Variants in PAPPA2 observed in about 807,000 individuals in gnomAD.
PAPPA2 encodes the protein pappalysin 2.
A neutral mutation model predicts 176.4 loss-of-function variants in PAPPA2; 86 were observed. That is an observed-to-expected ratio of 0.49 (90% CI 0.41 to 0.58). The LOEUF (loss-of-function observed/expected upper bound fraction) is 0.58, where lower values mean the gene tolerates loss of function less well. Among genes scored for constraint, PAPPA2 ranks in the 20% least tolerant of loss-of-function variants. The probability of loss-of-function intolerance (pLI) is 0.00; values close to 1 mark genes in which losing one functional copy is unlikely to be tolerated. For synonymous variants in PAPPA2, 809 were observed against 852.2 expected, an observed-to-expected ratio of 0.95 and a Z score of 0.88; for missense variants, 2,073 against 2,256.9, an observed-to-expected ratio of 0.92 and a Z score of 1.65.
chr1:176,558,108 A>G (rs979666438), intron 2 of PAPPA2, among the ~76,000 whole-genome samples: 2 of 152,206 alleles, frequency 1.3e-5, no homozygotes, highest in African/African-American at 4.8e-5. Flanking sequence ...GCAAGGGGTC[A>G]TGGATTAGAC....
At chr1:176,720,214 A>G (rs1387365432) in intron 12 of PAPPA2, among the ~76,000 whole-genome samples, 2 of 152,152 alleles carry the variant, frequency 1.3e-5, no homozygotes, top group African/African-American at 4.8e-5. Context: ...TATCTCTTTT[A>G]AAACTAACTT....
chr1:176,612,885 C>T (rs146457073), intron 3 of PAPPA2, among the ~76,000 whole-genome samples: 3 of 152,098 alleles, frequency 2.0e-5, no homozygotes, highest in African/African-American at 4.8e-5. Context: ...TTCTGGAGGT[C>T]GGGGAGGAAG....
chr1:176,511,510 T>C (rs28611171), intron 1 of PAPPA2, among the ~76,000 whole-genome samples: 12,050 of 152,260 alleles, frequency 0.079, 587 homozygotes, highest in South Asian at 0.15. Context: ...ACTCGTTGTC[T>C]TAACTGGTTG....
rs61821100 is a variant in PAPPA2, at chr1:176,491,341, T to C, written c.-917+27923T>C. 6.3e-3 allele frequency among the ~76,000 whole-genome samples: 957 copies of C among 152,300 alleles called. 6 individuals are homozygous for C. Among genetic ancestry groups the C allele is most frequent in the Admixed American group, 0.011 (168 of 15,290 alleles). ...CTTGAAGTGGGAAAAATTAGTTTCA[T>C]TTGGAGAGGAGTTGGGAGCTGTCTT... On this transcript the variant is annotated intron_variant, in intron 1 of 22. Transcript: ENST00000367662.
chr1:176,841,551 A>G (rs1341066429), intron 22 of PAPPA2, among the ~76,000 whole-genome samples: 2 of 152,040 alleles, frequency 1.3e-5, no homozygotes, highest in Non-Finnish European at 2.9e-5. Flanking sequence ...AATGCCCCAA[A>G]AGGAAAAATC....
intron 1 of PAPPA2, among the ~76,000 whole-genome samples, chr1:176,502,153 T>A (rs1648000648): frequency 6.6e-6 from 1 of 152,176 alleles, no homozygotes; most frequent in African/African-American, 2.4e-5. Flanking sequence ...CCTCCAGACA[T>A]CTGATTCAAG....
At chr1:176,816,775 C>T (rs1056892519) in intron 21 of PAPPA2, among the ~76,000 whole-genome samples, 2 of 152,086 alleles carry the variant, frequency 1.3e-5, no homozygotes, top group Non-Finnish European at 2.9e-5. Flanking sequence ...TAACTACTTC[C>T]TTCAACAGAG....
intron 10 of PAPPA2, among the ~76,000 whole-genome samples, chr1:176,709,495 A>ATT (rs1428062148): frequency 6.6e-6 from 1 of 152,186 alleles, no homozygotes; most frequent in Non-Finnish European, 1.5e-5. Flanking sequence ...AAGAAACACA[A>ATT]TTAAGCAACA....
Position 176,603,151 on chromosome 1 carries a change from C to T in PAPPA2, c.1991+7556C>T, listed in dbSNP as rs142580051. ...CCAGAGAGACCCCAGTCTCCAAATA[C>T]ACTCAGTTATTCAAAATACTTCGGC... On this transcript the variant is annotated intron_variant, in intron 3 of 22. Transcript: ENST00000367662. Among the ~76,000 whole-genome samples the T allele has an allele frequency of 7.5e-3, 1,145 of 152,350 alleles. 6 individuals are homozygous for T. The highest frequency in any genetic ancestry group is 0.017 in the Middle Eastern group (5 of 294).
chr1:176,675,196 T>C (rs1659226648), intron 4 of PAPPA2, among the ~76,000 whole-genome samples: 1 of 152,058 alleles, frequency 6.6e-6, no homozygotes, highest in Non-Finnish European at 1.5e-5. Context: ...TCTAACTGCC[T>C]AGCAAAAGAA....
At chr1:176,485,308 T>C (rs1172616917) in intron 1 of PAPPA2, among the ~76,000 whole-genome samples, 1 of 152,156 alleles carries the variant, frequency 6.6e-6, no homozygotes, top group Non-Finnish European at 1.5e-5. Context: ...TGTCTCCCCA[T>C]TACGTCTCTG....
Position 176,672,746 on chromosome 1 carries a change from A to C in PAPPA2, c.2137+1631A>C, listed in dbSNP as rs74592100. Among the ~76,000 whole-genome samples the C allele has an allele frequency of 2.0e-5, 3 of 152,156 alleles. No homozygotes were observed. In the South Asian group the frequency reaches 6.2e-4, roughly 31 times the overall value. ...TGCATAACAAATTAAACATGTAAGG[A>C]TCCAAATTAAATGCTTTGCCAGCGT... is the stretch of plus-strand genomic sequence containing the variant. On this transcript the variant is annotated intron_variant, in intron 4 of 22. Transcript: ENST00000367662.
intron 1 of PAPPA2, among the ~76,000 whole-genome samples, chr1:176,500,305 T>C (rs1647883429): frequency 6.6e-6 from 1 of 151,918 alleles, no homozygotes; most frequent in Non-Finnish European, 1.5e-5. Flanking sequence ...CAAACTAAAT[T>C]AAACACAGTA....
intron 3 of PAPPA2, among the ~76,000 whole-genome samples, chr1:176,651,273 A>C (rs1048617375): frequency 1.3e-5 from 2 of 151,058 alleles, no homozygotes; most frequent in African/African-American, 4.8e-5. Context: ...TTTTTTTTTC[A>C]GACGGAAGAA....
chr1:176,789,601 C>T (rs1248363833), intron 17 of PAPPA2, among the ~76,000 whole-genome samples: 1 of 152,062 alleles, frequency 6.6e-6, no homozygotes, highest in Non-Finnish European at 1.5e-5. Flanking sequence ...TTCTATACAA[C>T]ATTTACTACT....
chr1:176,777,391 T>G (rs1454205229), intron 17 of PAPPA2, among the ~76,000 whole-genome samples: 5 of 152,160 alleles, frequency 3.3e-5, no homozygotes, highest in African/African-American at 1.2e-4. Context: ...TCCATTGTTT[T>G]CCATTCACAT....
At chr1:176,661,702 C>T (rs1658370099) in intron 3 of PAPPA2, among the ~76,000 whole-genome samples, 1 of 151,900 alleles carries the variant, frequency 6.6e-6, no homozygotes, top group African/African-American at 2.4e-5. Context: ...TTAACTCTAA[C>T]ATGAAGAACA....
At chr1:176,483,460 C>CTTTTTTT (rs56705620) in intron 1 of PAPPA2, among the ~76,000 whole-genome samples, 5 of 48,628 alleles carry the variant, frequency 1.0e-4, no homozygotes, top group African/African-American at 3.7e-4. Context: ...ACTCAGACAT[C>CTTTTTTT]TTTTTTTTTT....
At chr1:176,792,004 G>A (rs1290485290) in intron 19 of PAPPA2, among the ~76,000 whole-genome samples, 1 of 152,204 alleles carries the variant, frequency 6.6e-6, no homozygotes, top group Non-Finnish European at 1.5e-5. Flanking sequence ...TGAAAGGTGG[G>A]ACTGTGTAGC....
Sources: allele counts gnomAD v4.1 joint callset (sites outside exome capture counted in the v4.1 genomes callset), GRCh38; gene constraint gnomAD v4.1.1; transcripts MANE v1.5; gene names NCBI Gene and HGNC (gene_info 2026-07-23, HGNC 2026-07-21).